COL22A1: variants seen among roughly 807,000 people sequenced by gnomAD.
COL22A1 encodes collagen alpha-1(XXII) chain.
COL22A1 carries 221 observed loss-of-function variants against 248.9 expected under a neutral mutation model. That is an observed-to-expected ratio of 0.89 (90% CI 0.80 to 0.99). COL22A1 has a LOEUF of 0.99. COL22A1 is among the 50% of genes least tolerant of loss of function. The pLI, the probability that COL22A1 is intolerant of heterozygous loss-of-function variation, is 0.00. For synonymous variants in COL22A1, 891 were observed against 793.4 expected (o/e 1.12, Z -2.07); for missense variants, 2,240 against 2,179.0 (o/e 1.03, Z -0.56).
At chr8:138,687,955 G>T (rs1826498540) in intron 37 of COL22A1, among the ~76,000 whole-genome samples, 1 of 152,172 alleles carries the variant, frequency 6.6e-6, no homozygotes, top group African/African-American at 2.4e-5. Context: ...ACCCCCTGTT[G>T]AGAATCACTT....
intron 47 of COL22A1, among the ~76,000 whole-genome samples, chr8:138,637,719 A>G (rs536904522): frequency 1.3e-5 from 2 of 152,304 alleles, no homozygotes; most frequent in East Asian, 3.9e-4. Flanking sequence ...GTGAGAGTTA[A>G]ATGACCTAAA....
chr8:138,626,522 C>T (rs1186451255), intron 50 of COL22A1, among the ~76,000 whole-genome samples: 2 of 152,140 alleles, frequency 1.3e-5, no homozygotes, highest in East Asian at 3.8e-4. Flanking sequence ...TATTGGAATG[C>T]CAGTGGGAAG....
chr8:138,730,480 A>C, intron 23 of COL22A1, among the ~76,000 whole-genome samples: 1 of 152,184 alleles, frequency 6.6e-6, no homozygotes, highest in Non-Finnish European at 1.5e-5. Context: ...CTAGTAAGAC[A>C]CATAAAACAC....
At chr8:138,869,537 G>A (rs1452411363) in intron 3 of COL22A1, among the ~76,000 whole-genome samples, 3 of 151,972 alleles carry the variant, frequency 2.0e-5, no homozygotes, top group Non-Finnish European at 4.4e-5. Context: ...GTCATCTCCA[G>A]GCTTAGGTCT....
intron 9 of COL22A1, 26 bp downstream of exon 9, chr8:138,811,773 G>T: frequency 6.2e-7 from 1 of 1,612,602 alleles, no homozygotes; most frequent in Non-Finnish European, 8.5e-7. Flanking sequence ...GTTCTGCTGG[G>T]GCTGAAGGTG....
rs190631637 is a variant in COL22A1, at chr8:138,833,845, G to T, written c.734-695C>A. On this transcript the variant is annotated intron_variant, in intron 4 of 64. Transcript: ENST00000303045. ...GGGGTTTGATCCTGAGCGGCCATGT[G>T]TATGTGACACTGGGCAAGCTACATG... 2.0e-5 allele frequency among the ~76,000 whole-genome samples: 3 copies of T among 152,250 alleles called. No homozygotes were observed. In the East Asian group the frequency reaches 5.8e-4, roughly 29 times the overall value.
intron 1 of COL22A1, among the ~76,000 whole-genome samples, chr8:138,909,208 T>C (rs4736051): frequency 0.3 from 44,965 of 152,032 alleles, 7,048 homozygotes; most frequent in African/African-American, 0.41. Context: ...ACGAGATCTA[T>C]CCTCCTAATA....
At chr8:138,891,894 G>A (rs893936090) in intron 1 of COL22A1, among the ~76,000 whole-genome samples, 4 of 152,226 alleles carry the variant, frequency 2.6e-5, no homozygotes, top group African/African-American at 7.2e-5. Flanking sequence ...TAACCCCTGG[G>A]AGGGAAGAGC....
At chr8:138,692,330 G>T (rs1176065498) in intron 35 of COL22A1, among the ~76,000 whole-genome samples, 8 of 150,944 alleles carry the variant, frequency 5.3e-5, no homozygotes, top group Non-Finnish European at 8.9e-5. Context: ...GCGTGTGCAT[G>T]TTTGTGGATG....
At chr8:138,744,753 A>G (rs1338024496) in intron 22 of COL22A1, among the ~76,000 whole-genome samples, 3 of 152,362 alleles carry the variant, frequency 2.0e-5, no homozygotes, top group East Asian at 1.9e-4. Context: ...CTATGCAGTG[A>G]CTATTCAATC....
intron 53 of COL22A1, among the ~76,000 whole-genome samples, chr8:138,618,639 G>A (rs544622692): frequency 2.6e-5 from 4 of 152,098 alleles, no homozygotes; most frequent in South Asian, 4.1e-4. Context: ...TATTGAATAC[G>A]AGCCAGGAGG....
At chr8:138,886,022 T>C (rs1200101088) in intron 1 of COL22A1, among the ~76,000 whole-genome samples, 1 of 152,034 alleles carries the variant, frequency 6.6e-6, no homozygotes, top group Admixed American at 6.6e-5. Context: ...GCCCACAGAC[T>C]CCCATCTCTT....
intron 15 of COL22A1, chr8:138,778,035 G>A (rs1464852503): frequency 2.3e-6 from 1 of 433,824 alleles, no homozygotes; most frequent in Admixed American, 3.6e-5. Flanking sequence ...GACAGGCTGG[G>A]GAAAATGAAT....
intron 29 of COL22A1, 36 bp downstream of exon 29, chr8:138,716,191 G>C (rs1829418012): frequency 6.5e-7 from 1 of 1,529,940 alleles, no homozygotes; most frequent in Non-Finnish European, 8.9e-7. Flanking sequence ...GATGGGCGAG[G>C]TTCCTGTGTG....
intron 57 of COL22A1, among the ~76,000 whole-genome samples, chr8:138,606,970 C>T (rs1333521553): frequency 6.6e-6 from 1 of 152,136 alleles, no homozygotes; most frequent in Non-Finnish European, 1.5e-5. Flanking sequence ...TCTGTTCTGT[C>T]TCACAAGCAG....
intron 32 of COL22A1, among the ~76,000 whole-genome samples, chr8:138,699,198 TG>T (rs1194261450): frequency 6.6e-6 from 1 of 152,184 alleles, no homozygotes; most frequent in Non-Finnish European, 1.5e-5. Context: ...TGCCCTAGGA[TG>T]CCCCCATCTC....
At chr8:138,872,739 G>A (rs571062879) in intron 3 of COL22A1, among the ~76,000 whole-genome samples, 6 of 152,166 alleles carry the variant, frequency 3.9e-5, no homozygotes, top group Admixed American at 2.0e-4. Context: ...CGTGACACAG[G>A]GGCACTTCCC....
intron 22 of COL22A1, among the ~76,000 whole-genome samples, chr8:138,746,094 A>G (rs1018296741): frequency 6.6e-6 from 1 of 152,200 alleles, no homozygotes; most frequent in African/African-American, 2.4e-5. Context: ...TACCATGTCA[A>G]TGTGGAAAAA....
At chr8:138,711,372 C>A (rs1447055713) in intron 30 of COL22A1, among the ~76,000 whole-genome samples, 1 of 152,150 alleles carries the variant, frequency 6.6e-6, no homozygotes, top group Non-Finnish European at 1.5e-5. Context: ...ATTTTCTGAC[C>A]AAAATTGTCA....
Sources: gnomAD v4.1 joint callset for allele counts (sites outside exome capture counted in the v4.1 genomes callset) on GRCh38, gnomAD v4.1.1 for gene constraint, MANE v1.5 for transcripts, NCBI Gene and HGNC (gene_info 2026-07-23, HGNC 2026-07-21) for gene names.